SAMD4B: variants seen among roughly 807,000 people sequenced by gnomAD.
SAMD4B encodes the protein protein Smaug homolog 2.
In SAMD4B, 5 loss-of-function variants were observed where a neutral mutation model predicts 74.5. The observed-to-expected ratio is 0.07, with a 90% CI of 0.04 to 0.14. The LOEUF is 0.14. SAMD4B is among the 10% of genes least tolerant of loss of function. SAMD4B has a pLI of 1.00. For synonymous variants in SAMD4B, 373 were observed against 374.9 expected (o/e 1.00, Z 0.06); for missense variants, 608 against 921.8 (o/e 0.66, Z 4.41).
Position 39,379,634 on chromosome 19 carries a change from A to G in SAMD4B, c.1531-332A>G, listed in dbSNP as rs147936796. ...TGCCCAGGCTGGAGTGCAATGGCGC[A>G]GTCTCGGCTCACTGCAACCTCCGCC... On this transcript the variant is annotated intron_variant, in intron 9 of 13. Coordinates refer to ENST00000610417, the MANE Select transcript of SAMD4B (RefSeq NM_001384574.2). Among the ~76,000 whole-genome samples the G allele has an allele frequency of 4.1e-3, 622 of 152,216 alleles. 4 individuals are homozygous for G. The highest frequency in any genetic ancestry group is 0.014 in the African/African-American group (589 of 41,532).
In SAMD4B at chr19:39,377,637, G is replaced by A. The variant is rs140830418; in HGVS notation, c.1257G>A (p.Pro419=). The change falls in exon 8 of 14, where the codon CCG becomes CCA. Residue 419 remains proline (P), a synonymous_variant. Transcript: ENST00000610417. Reference sequence around the variant, plus strand: ...AGGATGGGGCCCCGGGGGAACCACCGCTGCCAGGTGCTGAGCCTCCCCTAG... The same window carrying A: ...AGGATGGGGCCCCGGGGGAACCACCACTGCCAGGTGCTGAGCCTCCCCTAG... ...TAKDGAPGEP[P]LPGAEPPLAH... 201 of 1,613,888 alleles carry A rather than the reference G, an allele frequency of 1.2e-4. No individual in the cohort carries two copies. The highest frequency in any genetic ancestry group is 1.5e-4 in the Non-Finnish European group (173 of 1,179,964).
downstream of SAMD4B, chr19:39,389,203 G>A (rs747108134): frequency 6.2e-7 from 1 of 1,613,566 alleles, no homozygotes; most frequent in East Asian, 2.2e-5. This position sits in a 1 kb window ranked among gnomAD's most constrained non-coding sequence, Gnocchi z 5.3. Flanking sequence ...CCAATCCTAG[G>A]AATGAAGAAA....
At chr19:39,347,623 A>G (rs2075780316) in intron 1 of SAMD4B, among the ~76,000 whole-genome samples, 1 of 152,348 alleles carries the variant, frequency 6.6e-6, no homozygotes, top group African/African-American at 2.4e-5. Flanking sequence ...TCAGGGGAGC[A>G]GAATCCAGGA....
chr19:39,352,498 A>G (rs1880924404), intron 1 of SAMD4B: 1 of 151,936 alleles, frequency 6.6e-6, no homozygotes, highest in African/African-American at 2.4e-5. Flanking sequence ...GGAAAAAAAA[A>G]AAAAAAAAAA....
At position 39,377,667 on chromosome 19, in the gene SAMD4B, C is replaced by T. The variant is rs2077686429; in HGVS notation, c.1287C>T (p.His429=). The change falls in exon 8 of 14, where the codon CAC becomes CAT. Residue 429 remains histidine, a synonymous_variant. Transcript: ENST00000610417. ...CAGGTGCTGAGCCTCCCCTAGCCCA[C>T]CCCGGCACAGACAAAGGCACCGAGG... ...PLPGAEPPLA[H]PGTDKGTEAK... is the part of the protein sequence containing the mutation. The T allele has an allele frequency of 6.2e-7, 1 of 1,614,038 alleles. No individual in the cohort carries two copies. Among genetic ancestry groups the T allele is most frequent in the South Asian group, 1.1e-5 (1 of 91,080 alleles).
intron 7 of SAMD4B, 121 bp from the exon 8 acceptor site, chr19:39,377,364 T>C (rs1356401041): frequency 2.0e-5 from 15 of 741,176 alleles, no homozygotes; most frequent in Non-Finnish European, 3.3e-5. Flanking sequence ...GCCTTCTCTA[T>C]GTGCTGGAAC....
chr19:39,370,581 C>G (rs2077232778), intron 4 of SAMD4B, among the ~76,000 whole-genome samples: 1 of 152,154 alleles, frequency 6.6e-6, no homozygotes, highest in African/African-American at 2.4e-5. Context: ...TGATATATAC[C>G]TGGCCTCTAA....
At chr19:39,360,748 G>A (rs2076598530) in intron 3 of SAMD4B, among the ~76,000 whole-genome samples, 1 of 152,128 alleles carries the variant, frequency 6.6e-6, no homozygotes, top group Non-Finnish European at 1.5e-5. Context: ...TTCTCCTCTG[G>A]TTATTATGGC....
At chr19:39,388,349 A>G, downstream of SAMD4B, 3 of 1,613,986 alleles carry the variant, frequency 1.9e-6, no homozygotes, top group Non-Finnish European at 2.5e-6. Flanking sequence ...CTGGTTTCCA[A>G]CTCATTGTAG....
In SAMD4B at chr19:39,383,305, CT is replaced by C. The variant is rs768352766; in HGVS notation, c.2056+17del. 6.2e-7 allele frequency: 1 copy of C among 1,613,212 alleles called. No homozygotes were observed. The highest frequency in any genetic ancestry group is 2.2e-5 in the East Asian group (1 of 44,874). ...ACGCCTTGGGTGGTGAGCATTTCCT[CT>C]TTCCCTGACCCAGCTCCCACCTACC... On this transcript the variant is annotated intron_variant, in intron 13 of 13. Coordinates refer to ENST00000610417, the MANE Select transcript of SAMD4B (RefSeq NM_001384574.2). The surrounding 1 kb of genome is among the most constrained non-coding windows in gnomAD (Gnocchi z 4.1).
chr19:39,372,404 T>C (rs146566473), intron 4 of SAMD4B, among the ~76,000 whole-genome samples: 1 of 152,314 alleles, frequency 6.6e-6, no homozygotes, highest in Non-Finnish European at 1.5e-5. Flanking sequence ...GGCCTGTCTT[T>C]ACCCTCAGAC....
chr19:39,363,997 G>T (rs1208697418), intron 3 of SAMD4B, among the ~76,000 whole-genome samples: 1 of 152,236 alleles, frequency 6.6e-6, no homozygotes, highest in Non-Finnish European at 1.5e-5. Flanking sequence ...ACTTGGGCCA[G>T]TTCCAGTGCT....
chr19:39,351,825 G>A (rs2076059433), intron 1 of SAMD4B: 1 of 152,096 alleles, frequency 6.6e-6, no homozygotes, highest in African/African-American at 2.4e-5. Context: ...AGTAGTTCCA[G>A]CAAAAATCCA....
At chr19:39,359,123 C>T (rs2076504959) in intron 3 of SAMD4B, among the ~76,000 whole-genome samples, 1 of 152,194 alleles carries the variant, frequency 6.6e-6, no homozygotes, top group African/African-American at 2.4e-5. Context: ...ACCACTCTAA[C>T]ACTAAAGGCA....
chr19:39,388,299 G>A (rs1159009749), downstream of SAMD4B: 2 of 1,611,142 alleles, frequency 1.2e-6, no homozygotes, highest in Non-Finnish European at 1.7e-6. Flanking sequence ...GTCTTAAGAA[G>A]CACAGATCCA....
intron 4 of SAMD4B, 57 bp downstream of exon 4, chr19:39,370,182 C>T (rs1285460096): frequency 6.7e-7 from 1 of 1,482,426 alleles, no homozygotes; most frequent in Non-Finnish European, 9.2e-7. Context: ...TTGGACTAGG[C>T]TCAGTGAGAG....
Position 39,369,943 on chromosome 19 carries a change from C to G in SAMD4B, c.485C>G (p.Pro162Arg), listed in dbSNP as rs2077186898. 6.2e-7 allele frequency: 1 copy of G among 1,613,948 alleles called. No individual in the cohort carries two copies. Among genetic ancestry groups the G allele is most frequent in the Non-Finnish European group, 8.5e-7 (1 of 1,179,954 alleles). The stretch of plus-strand genomic sequence containing the variant: ...TTGGCTAGTGGCTTCCGCTCCCGGC[C>G]AGAGCCCTCCTACCATTCACGTCAA... ...ERLASGFRSRPEPSYHSRQGS... is the reference protein window; with the variant it reads ...ERLASGFRSRREPSYHSRQGS... The change falls in exon 4 of 14, where the codon CCA becomes CGA. Residue 162 changes from proline (P) to arginine (R), a missense_variant. Pro to Arg is a moderately radical substitution (Grantham distance 103). Around this residue, in one of 9 missense-constraint regions of SAMD4B, gnomAD observed 153 missense variants for 153.0 expected, o/e 1.00. Transcript: ENST00000610417.
In SAMD4B at chr19:39,383,042, G is replaced by A. The variant is rs886190536; in HGVS notation, c.1973-166G>A. ...GCCATTGCCATTGTCTCCTCTGCCT[G>A]TTGTGTGACACGCTCGCCTCTCTCC... On this transcript the variant is annotated intron_variant, in intron 12 of 13. Transcript: ENST00000610417. This position sits in a 1 kb window ranked among gnomAD's most constrained non-coding sequence, Gnocchi z 4.1. 3.3e-5 allele frequency among the ~76,000 whole-genome samples: 5 copies of A among 152,068 alleles called. No homozygotes were observed. Among genetic ancestry groups the A allele is most frequent in the Non-Finnish European group, 5.9e-5 (4 of 68,012 alleles).
At chr19:39,374,928 T>C (rs1022928186) in intron 4 of SAMD4B, among the ~76,000 whole-genome samples, 4 of 151,904 alleles carry the variant, frequency 2.6e-5, no homozygotes, top group Non-Finnish European at 5.9e-5. Context: ...AAGACAGTAA[T>C]GTGATAGAGT....
Sources: allele counts gnomAD v4.1 joint callset (sites outside exome capture counted in the v4.1 genomes callset), GRCh38; gene constraint gnomAD v4.1.1; regional missense constraint gnomAD v4.1.1; non-coding constraint Gnocchi (gnomAD v3.1); transcripts MANE v1.5; gene names NCBI Gene and HGNC (gene_info 2026-07-23, HGNC 2026-07-21).